XKR6: variants seen among roughly 807,000 people sequenced by gnomAD.
XKR6 encodes the protein XK-related protein 6.
A neutral mutation model predicts 56.7 loss-of-function variants in XKR6; 22 were observed. The observed-to-expected ratio is 0.39, with a 90% CI of 0.28 to 0.55. The LOEUF is 0.55. Ranked by LOEUF, XKR6 falls within the 20% of genes least tolerant of loss-of-function variation. XKR6 has a pLI of 0.66. For synonymous variants in XKR6, 524 were observed against 387.8 expected (o/e 1.35, Z -4.13); for missense variants, 852 against 889.0 (o/e 0.96, Z 0.53).
intron 2 of XKR6, among the ~76,000 whole-genome samples, chr8:10,915,866 C>G (rs1422204938): frequency 1.3e-5 from 2 of 152,248 alleles, no homozygotes; most frequent in Admixed American, 1.3e-4. Context: ...TGCTGCGTCT[C>G]TCTCCATCTC....
At chr8:10,964,389 C>G (rs991138947) in intron 1 of XKR6, among the ~76,000 whole-genome samples, 1 of 152,138 alleles carries the variant, frequency 6.6e-6, no homozygotes. Context: ...TGGGCTGGAG[C>G]TTAGACCTGG....
intron 1 of XKR6, among the ~76,000 whole-genome samples, chr8:10,961,444 G>A (rs1001889458): frequency 1.3e-5 from 2 of 152,334 alleles, no homozygotes; most frequent in Admixed American, 6.5e-5. Context: ...GCTGGCTAGG[G>A]GCGGCTGGGG....
At chr8:11,135,782 T>G (rs751288157) in intron 1 of XKR6, among the ~76,000 whole-genome samples, 9 of 149,720 alleles carry the variant, frequency 6.0e-5, no homozygotes, top group Non-Finnish European at 1.3e-4. Flanking sequence ...CAGAAAAAAA[T>G]TTCATATAAA....
chr8:10,978,090 G>T (rs528376661), intron 1 of XKR6, among the ~76,000 whole-genome samples: 1 of 152,134 alleles, frequency 6.6e-6, no homozygotes, highest in East Asian at 1.9e-4. Context: ...AAAGCAACTG[G>T]CCTCTATTTC....
At chr8:11,019,630 G>A (rs1293073982) in intron 1 of XKR6, among the ~76,000 whole-genome samples, 1 of 152,190 alleles carries the variant, frequency 6.6e-6, no homozygotes, top group East Asian at 1.9e-4. Context: ...TAGAGGTGGT[G>A]TGAGCAGTGT....
intron 1 of XKR6, among the ~76,000 whole-genome samples, chr8:11,019,624 G>A (rs1342934042): frequency 6.6e-6 from 1 of 152,214 alleles, no homozygotes; most frequent in South Asian, 2.1e-4. Flanking sequence ...TCCACCTAGA[G>A]GTGGTGTGAG....
intron 1 of XKR6, among the ~76,000 whole-genome samples, chr8:11,170,793 A>G (rs942652353): frequency 2.0e-5 from 3 of 152,266 alleles, no homozygotes; most frequent in African/African-American, 7.2e-5. Context: ...CAGGGGGCGC[A>G]ACAATAGCAT....
chr8:11,154,020 T>C (rs1027052365), intron 1 of XKR6, among the ~76,000 whole-genome samples: 2 of 152,148 alleles, frequency 1.3e-5, no homozygotes, highest in Admixed American at 6.5e-5. Context: ...TTTAAAAGCC[T>C]AGGTGGGTAG....
At chr8:11,144,311 A>G (rs937806839) in intron 1 of XKR6, among the ~76,000 whole-genome samples, 1 of 150,244 alleles carries the variant, frequency 6.7e-6, no homozygotes, top group Non-Finnish European at 1.5e-5. Flanking sequence ...CTCATGAAAT[A>G]AAGGAAGAAG....
intron 1 of XKR6, among the ~76,000 whole-genome samples, chr8:11,176,928 C>T (rs1802687964): frequency 6.6e-6 from 1 of 152,176 alleles, no homozygotes; most frequent in Non-Finnish European, 1.5e-5. Flanking sequence ...CCACTTTCAG[C>T]GTGGCCAATG....
At chr8:11,179,979 A>G (rs58292393) in intron 1 of XKR6, among the ~76,000 whole-genome samples, 5,104 of 152,098 alleles carry the variant, frequency 0.034, 291 homozygotes, top group African/African-American at 0.12. Flanking sequence ...CAAAAAGCAA[A>G]AAAATAAAAA....
At chr8:11,030,125 C>T (rs761182144) in intron 1 of XKR6, among the ~76,000 whole-genome samples, 8 of 152,188 alleles carry the variant, frequency 5.3e-5, no homozygotes, top group Non-Finnish European at 1.0e-4. Flanking sequence ...CCAGCTCACT[C>T]TGCACAGATC....
At chr8:10,974,882 C>T (rs557458122) in intron 1 of XKR6, among the ~76,000 whole-genome samples, 66 of 152,282 alleles carry the variant, frequency 4.3e-4, no homozygotes, top group African/African-American at 1.1e-3. Flanking sequence ...GTTCTGTAGA[C>T]GGATGATGAT....
intron 1 of XKR6, chr8:11,195,167 C>G (rs1268358461): frequency 1.4e-5 from 10 of 703,158 alleles, no homozygotes; most frequent in Non-Finnish European, 2.6e-5. Context: ...GAGGCAACTT[C>G]ATGTGGTTAA....
At chr8:11,093,297 C>T (rs192907381) in intron 1 of XKR6, among the ~76,000 whole-genome samples, 16 of 152,296 alleles carry the variant, frequency 1.1e-4, no homozygotes, top group Non-Finnish European at 1.3e-4. Flanking sequence ...TCGGGTGATC[C>T]GCCCACCTCG....
At chr8:10,996,411 T>C (rs7824797) in intron 1 of XKR6, among the ~76,000 whole-genome samples, 72,510 of 152,114 alleles carry the variant, frequency 0.48, 22,138 homozygotes, top group African/African-American at 0.87. Flanking sequence ...CTTTTATATG[T>C]TCTGCTTTTT....
chr8:11,050,209 G>A (rs553106399), intron 1 of XKR6, among the ~76,000 whole-genome samples: 10 of 152,172 alleles, frequency 6.6e-5, no homozygotes, highest in African/African-American at 1.9e-4. Flanking sequence ...AGAGACAAGC[G>A]TGCCAGATAC....
chr8:11,189,955 G>C (rs531574214), intron 1 of XKR6, among the ~76,000 whole-genome samples: 17 of 152,120 alleles, frequency 1.1e-4, no homozygotes, highest in Non-Finnish European at 2.1e-4. Flanking sequence ...TCAGCAGTTC[G>C]AGACCAGCCT....
intron 1 of XKR6, among the ~76,000 whole-genome samples, chr8:11,042,710 G>A (rs1799315832): frequency 6.6e-6 from 1 of 152,218 alleles, no homozygotes; most frequent in Non-Finnish European, 1.5e-5. Context: ...TATCCTTTGA[G>A]CATCATGTGG....
Sources: gnomAD v4.1 joint callset for allele counts (sites outside exome capture counted in the v4.1 genomes callset) on GRCh38, gnomAD v4.1.1 for gene constraint, MANE v1.5 for transcripts, NCBI Gene and HGNC (gene_info 2026-07-23, HGNC 2026-07-21) for gene names.